DEUP1: variants seen among roughly 807,000 people sequenced by gnomAD.
DEUP1 encodes the protein coiled-coil domain containing 67.
DEUP1 carries 82 observed loss-of-function variants against 87.4 expected under a neutral mutation model. The ratio of observed to expected loss-of-function variants is 0.94; its 90% confidence interval spans 0.78 to 1.13. The LOEUF (loss-of-function observed/expected upper bound fraction) is 1.13, where lower values mean the gene tolerates loss of function less well. Ranked by LOEUF, DEUP1 falls within the 50% of genes most tolerant of loss-of-function variation. The probability of loss-of-function intolerance (pLI) is 0.00; values close to 1 mark genes in which losing one functional copy is unlikely to be tolerated. For synonymous variants in DEUP1, 214 were observed against 222.7 expected (o/e 0.96, Z 0.35); for missense variants, 663 against 681.5 (o/e 0.97, Z 0.30).
intron 9 of DEUP1, among the ~76,000 whole-genome samples, chr11:93,392,455 A>G (rs59448250): frequency 1.6e-3 from 246 of 152,342 alleles, no homozygotes; most frequent in African/African-American, 5.7e-3. Context: ...GAGATGATGC[A>G]TGTAAACTAC....
chr11:93,410,584 C>T (rs963798455), intron 12 of DEUP1, among the ~76,000 whole-genome samples: 2 of 152,124 alleles, frequency 1.3e-5, no homozygotes, highest in African/African-American at 4.8e-5. Context: ...GGGTCACCTG[C>T]GTATGTTAGT....
chr11:93,406,635 A>G (rs1947287118), intron 11 of DEUP1, among the ~76,000 whole-genome samples: 1 of 151,858 alleles, frequency 6.6e-6, no homozygotes, highest in African/African-American at 2.4e-5. Context: ...ATTGTAAAAA[A>G]CTTTGTGTAT....
At chr11:93,332,654 C>T (rs1376078353) in intron 2 of DEUP1, among the ~76,000 whole-genome samples, 1 of 152,172 alleles carries the variant, frequency 6.6e-6, no homozygotes, top group Admixed American at 6.5e-5. Context: ...TCTACTCTTG[C>T]CCCTTAAGGC....
rs1165338870 is a variant in DEUP1, at chr11:93,355,549, A to T, written c.201+7A>T. Reference sequence around the variant, plus strand: ...GGATCAGAAAGGTCAAGAGGTACTGAATACATATGTTAACAAATTGCTAAT... The same window carrying T: ...GGATCAGAAAGGTCAAGAGGTACTGTATACATATGTTAACAAATTGCTAAT... On this transcript the variant is annotated splice_region_variant and intron_variant, in intron 3 of 13. Transcript: ENST00000298050. The T allele has an allele frequency of 5.6e-6, 9 of 1,601,394 alleles. No homozygotes were observed. Among genetic ancestry groups the T allele is most frequent in the Middle Eastern group, 3.3e-4 (2 of 6,014 alleles).
chr11:93,436,262 A>G (rs548272729), intron 13 of DEUP1, among the ~76,000 whole-genome samples: 35 of 152,116 alleles, frequency 2.3e-4, no homozygotes, highest in Non-Finnish European at 4.4e-4. Flanking sequence ...TCTCATTAAC[A>G]TGATGTTAGT....
At chr11:93,435,416 A>G (rs1948214230) in intron 13 of DEUP1, among the ~76,000 whole-genome samples, 1 of 152,214 alleles carries the variant, frequency 6.6e-6, no homozygotes, top group Non-Finnish European at 1.5e-5. Flanking sequence ...CATCCTGTCC[A>G]CTTGCTGGAG....
intron 13 of DEUP1, among the ~76,000 whole-genome samples, chr11:93,432,447 C>T (rs1948132418): frequency 6.6e-6 from 1 of 152,158 alleles, no homozygotes. Context: ...AATAGAATCG[C>T]CTTGCAGTGT....
At chr11:93,435,223 A>G (rs1347629016) in intron 13 of DEUP1, among the ~76,000 whole-genome samples, 1 of 152,112 alleles carries the variant, frequency 6.6e-6, no homozygotes, top group Admixed American at 6.5e-5. Flanking sequence ...TGCCACCAAG[A>G]GGCTGGCTGG....
chr11:93,393,077 C>G (rs1347599624), intron 9 of DEUP1, among the ~76,000 whole-genome samples: 2 of 114,536 alleles, frequency 1.7e-5, no homozygotes, highest in Non-Finnish European at 3.2e-5. Context: ...TTCTTCTTCT[C>G]TTCCTCCTTC....
intron 2 of DEUP1, among the ~76,000 whole-genome samples, chr11:93,349,183 A>G (rs1220012400): frequency 5.9e-5 from 9 of 152,174 alleles, no homozygotes; most frequent in Admixed American, 5.2e-4. Context: ...TGTACCTTAC[A>G]CAGTGCTTAA....
chr11:93,408,495 T>C, intron 12 of DEUP1, 68 bp downstream of exon 12: 2 of 1,043,556 alleles, frequency 1.9e-6, no homozygotes, highest in South Asian at 3.7e-5. Flanking sequence ...TTTTAAAGAA[T>C]TCAAATTATA....
intron 2 of DEUP1, among the ~76,000 whole-genome samples, chr11:93,345,448 T>C (rs1041720648): frequency 6.6e-6 from 1 of 152,306 alleles, no homozygotes; most frequent in South Asian, 2.1e-4. Context: ...TCTTGAACAA[T>C]GATCAAACTA....
chr11:93,374,766 T>C (rs2134282901), intron 7 of DEUP1, among the ~76,000 whole-genome samples: 1 of 152,282 alleles, frequency 6.6e-6, no homozygotes, highest in Admixed American at 6.5e-5. Context: ...GCAGGCTCTT[T>C]TTTTGGTTCC....
chr11:93,363,007 G>T (rs1423843446), intron 4 of DEUP1, among the ~76,000 whole-genome samples: 1 of 151,676 alleles, frequency 6.6e-6, no homozygotes, highest in Non-Finnish European at 1.5e-5. Context: ...AAATCAAAAT[G>T]TCTCAATATA....
chr11:93,413,345 C>T (rs1377846563), intron 12 of DEUP1, among the ~76,000 whole-genome samples: 1 of 151,652 alleles, frequency 6.6e-6, no homozygotes, highest in African/African-American at 2.4e-5. Context: ...GGGTTCACGC[C>T]ATTCTCCTGC....
chr11:93,435,803 T>C (rs1948226030), intron 13 of DEUP1, among the ~76,000 whole-genome samples: 1 of 152,106 alleles, frequency 6.6e-6, no homozygotes, highest in Non-Finnish European at 1.5e-5. Flanking sequence ...GAGACCATCC[T>C]GGCTAACATG....
At chr11:93,392,866 CTGAGTG>C (rs557908615) in intron 9 of DEUP1, among the ~76,000 whole-genome samples, 194 of 151,932 alleles carry the variant, frequency 1.3e-3, no homozygotes, top group African/African-American at 4.5e-3. Flanking sequence ...TTTTAGTTCA[CTGAGTG>C]TGCCATGCTT....
intron 13 of DEUP1, among the ~76,000 whole-genome samples, chr11:93,427,713 C>T (rs1484205461): frequency 6.6e-6 from 1 of 151,144 alleles, no homozygotes; most frequent in Non-Finnish European, 1.5e-5. Flanking sequence ...AGAAACTTTT[C>T]ACAACCTACT....
chr11:93,409,183 T>A (rs1947365263), intron 12 of DEUP1, among the ~76,000 whole-genome samples: 1 of 152,182 alleles, frequency 6.6e-6, no homozygotes, highest in African/African-American at 2.4e-5. Flanking sequence ...ATTGACATTC[T>A]AGCAGTGGCA....
Sources: gnomAD v4.1 joint callset for allele counts (sites outside exome capture counted in the v4.1 genomes callset) on GRCh38, gnomAD v4.1.1 for gene constraint, MANE v1.5 for transcripts, NCBI Gene and HGNC (gene_info 2026-07-23, HGNC 2026-07-21) for gene names.